FAM78B: variants seen among roughly 807,000 people sequenced by gnomAD.
The protein encoded by FAM78B is family with sequence similarity 78 member B.
In FAM78B, 10 loss-of-function variants were observed where a neutral mutation model predicts 20.0. That is an observed-to-expected ratio of 0.50 (90% confidence interval 0.31 to 0.85). The LOEUF is 0.85. Among genes scored for constraint, FAM78B ranks in the 40% least tolerant of loss-of-function variants. FAM78B has a pLI of 0.05. For missense variants in FAM78B, 283 were observed against 345.0 expected, an observed-to-expected ratio of 0.82 and a Z score of 1.42; for synonymous variants, 135 against 132.8, an observed-to-expected ratio of 1.02 and a Z score of -0.12.
At chr1:166,155,344 A>G (rs1225344087) in intron 1 of FAM78B, among the ~76,000 whole-genome samples, 1 of 152,212 alleles carries the variant, frequency 6.6e-6, no homozygotes, top group Non-Finnish European at 1.5e-5. Flanking sequence ...TAGCTGAGTA[A>G]TGCTGGGCAT....
At chr1:166,152,210 T>C (rs945340368) in intron 1 of FAM78B, among the ~76,000 whole-genome samples, 7 of 152,184 alleles carry the variant, frequency 4.6e-5, no homozygotes, top group African/African-American at 1.7e-4. Context: ...GCCATCCAGC[T>C]GGAGATGTTA....
At chr1:166,130,900 T>C (rs575732503) in intron 1 of FAM78B, among the ~76,000 whole-genome samples, 1 of 151,520 alleles carries the variant, frequency 6.6e-6, no homozygotes, top group Non-Finnish European at 1.5e-5. Context: ...AAGAATGCTG[T>C]CATTACTAAG....
intron 1 of FAM78B, among the ~76,000 whole-genome samples, chr1:166,078,517 A>G (rs1349925634): frequency 1.3e-5 from 2 of 152,204 alleles, no homozygotes; most frequent in Admixed American, 1.3e-4. Context: ...CCATTTTTAG[A>G]AGAAAGAGGT....
At chr1:166,139,476 A>G (rs547273022) in intron 1 of FAM78B, among the ~76,000 whole-genome samples, 1 of 152,304 alleles carries the variant, frequency 6.6e-6, no homozygotes, top group South Asian at 2.1e-4. Flanking sequence ...TCTAGTGGAG[A>G]CACCCGAGAC....
chr1:166,125,919 C>A (rs1290940719), intron 1 of FAM78B, among the ~76,000 whole-genome samples: 2 of 151,448 alleles, frequency 1.3e-5, no homozygotes, highest in African/African-American at 2.4e-5. Context: ...GCAACCTCCA[C>A]CTCCCAGGTT....
At chr1:166,095,742 AC>A (rs1653251749) in intron 1 of FAM78B, among the ~76,000 whole-genome samples, 1 of 151,728 alleles carries the variant, frequency 6.6e-6, no homozygotes, top group African/African-American at 2.4e-5. Context: ...GACCACCCCC[AC>A]CCCCAACCCA....
At chr1:166,129,256 C>T (rs1240957169) in intron 1 of FAM78B, among the ~76,000 whole-genome samples, 2 of 152,244 alleles carry the variant, frequency 1.3e-5, no homozygotes, top group Admixed American at 6.5e-5. Context: ...ATGGCATGTG[C>T]TCCGCATGCA....
chr1:166,103,700 G>A (rs976918345), intron 1 of FAM78B, among the ~76,000 whole-genome samples: 1 of 152,138 alleles, frequency 6.6e-6, no homozygotes, highest in African/African-American at 2.4e-5. Context: ...CTGAAATTGA[G>A]GCAATAATTA....
intron 1 of FAM78B, among the ~76,000 whole-genome samples, chr1:166,092,221 T>C (rs1234162945): frequency 6.6e-6 from 1 of 152,222 alleles, no homozygotes; most frequent in Non-Finnish European, 1.5e-5. Flanking sequence ...GTTAATTATC[T>C]GTGCCAATGG....
At chr1:166,160,178 C>T (rs546406388) in intron 1 of FAM78B, among the ~76,000 whole-genome samples, 4 of 152,294 alleles carry the variant, frequency 2.6e-5, no homozygotes, top group African/African-American at 9.6e-5. Flanking sequence ...ACTGTGTGAC[C>T]ATCTCTATGG....
intron 1 of FAM78B, 36 bp downstream of exon 1, chr1:166,165,950 A>T: frequency 6.2e-7 from 1 of 1,612,580 alleles, no homozygotes; most frequent in Non-Finnish European, 8.5e-7. Context: ...CTGGGGGCCC[A>T]GAGTCCGCTC....
chr1:166,106,512 C>G (rs1653793297), intron 1 of FAM78B, among the ~76,000 whole-genome samples: 1 of 151,986 alleles, frequency 6.6e-6, no homozygotes, highest in African/African-American at 2.4e-5. Flanking sequence ...AGAATGAAAT[C>G]ATGTCCATTG....
At chr1:166,099,182 A>G (rs1328652064) in intron 1 of FAM78B, among the ~76,000 whole-genome samples, 1 of 152,250 alleles carries the variant, frequency 6.6e-6, no homozygotes, top group Non-Finnish European at 1.5e-5. Flanking sequence ...AGTTGTTTTC[A>G]GACAAACAAA....
chr1:166,150,014 G>A (rs60962988), intron 1 of FAM78B, among the ~76,000 whole-genome samples: 1 of 152,186 alleles, frequency 6.6e-6, no homozygotes, highest in African/African-American at 2.4e-5. Flanking sequence ...TGAGCCTTGG[G>A]GGTAAGGTCA....
chr1:166,157,186 C>G (rs77421388), intron 1 of FAM78B, among the ~76,000 whole-genome samples: 2,406 of 152,038 alleles, frequency 0.016, 67 homozygotes, highest in African/African-American at 0.055. Context: ...AGACCCCTCT[C>G]CAGAGTCTGA....
chr1:166,144,853 G>A (rs1202969415), intron 1 of FAM78B, among the ~76,000 whole-genome samples: 1 of 152,046 alleles, frequency 6.6e-6, no homozygotes, highest in African/African-American at 2.4e-5. Context: ...CCTCACCCAG[G>A]GGTTTTGCTG....
intron 1 of FAM78B, among the ~76,000 whole-genome samples, chr1:166,081,532 G>A (rs1211236653): frequency 3.3e-5 from 5 of 152,248 alleles, no homozygotes; most frequent in East Asian, 1.9e-4. Context: ...CCTGCAGAGC[G>A]CCGTGCAGGC....
chr1:166,097,817 G>A (rs1334035718), intron 1 of FAM78B, among the ~76,000 whole-genome samples: 2 of 151,392 alleles, frequency 1.3e-5, no homozygotes, highest in Non-Finnish European at 2.9e-5. Flanking sequence ...AGAAGACAAA[G>A]GGCATATAAT....
At chr1:166,126,384 G>C (rs1348908282) in intron 1 of FAM78B, among the ~76,000 whole-genome samples, 2 of 152,160 alleles carry the variant, frequency 1.3e-5, no homozygotes, top group African/African-American at 2.4e-5. Context: ...CAATAAATGA[G>C]TAGTAAACTA....
Sources: gnomAD v4.1 joint callset for allele counts (sites outside exome capture counted in the v4.1 genomes callset) on GRCh38, gnomAD v4.1.1 for gene constraint, MANE v1.5 for transcripts, NCBI Gene and HGNC (gene_info 2026-07-23, HGNC 2026-07-21) for gene names.